DENND1A: variants seen among roughly 807,000 people sequenced by gnomAD.
DENND1A encodes the protein DENN domain containing 1A.
Under a neutral mutation model 113.7 loss-of-function variants are expected in DENND1A, and 51 were observed. That is an observed-to-expected ratio of 0.45 (90% CI 0.36 to 0.57). The LOEUF (loss-of-function observed/expected upper bound fraction) is 0.57. Among genes scored for constraint, DENND1A ranks in the 20% least tolerant of loss-of-function variants. The pLI, the probability that DENND1A is intolerant of heterozygous loss-of-function variation, is 0.00. For synonymous variants in DENND1A, 565 were observed against 570.8 expected (o/e 0.99, Z 0.14); for missense variants, 1,258 against 1,395.9 (o/e 0.90, Z 1.57).
At chr9:123,638,279 A>G (rs1399518110) in intron 9 of DENND1A, among the ~76,000 whole-genome samples, 1 of 152,192 alleles carries the variant, frequency 6.6e-6, no homozygotes, top group Non-Finnish European at 1.5e-5. Flanking sequence ...CCACAGCACC[A>G]TGAGTGAGGA....
chr9:123,643,357 T>C (rs1589481696), intron 9 of DENND1A, among the ~76,000 whole-genome samples: 1 of 152,346 alleles, frequency 6.6e-6, no homozygotes, highest in Middle Eastern at 3.4e-3. Context: ...CTTGCCACCA[T>C]ACAATATTTC....
intron 5 of DENND1A, among the ~76,000 whole-genome samples, chr9:123,730,909 T>C (rs1432634775): frequency 6.6e-6 from 1 of 152,094 alleles, no homozygotes; most frequent in African/African-American, 2.4e-5. Context: ...ATAAACACCA[T>C]GGAATACTAT....
At chr9:123,884,305 C>G (rs1197638913) in intron 1 of DENND1A, among the ~76,000 whole-genome samples, 1 of 152,128 alleles carries the variant, frequency 6.6e-6, no homozygotes, top group Non-Finnish European at 1.5e-5. Flanking sequence ...CCTATTAACA[C>G]TCACTGCTAA....
chr9:123,700,707 G>C (rs4391495), intron 5 of DENND1A, among the ~76,000 whole-genome samples: 64,332 of 152,004 alleles, frequency 0.42, 16,540 homozygotes, highest in African/African-American at 0.73. Flanking sequence ...ATGTTAGTTA[G>C]ATTTAAAATA....
chr9:123,778,932 G>C (rs917279071), intron 3 of DENND1A, among the ~76,000 whole-genome samples: 1 of 152,058 alleles, frequency 6.6e-6, no homozygotes, highest in African/African-American at 2.4e-5. Flanking sequence ...AATGCCTACC[G>C]CATACAAATA....
chr9:123,386,300 C>T (rs1338808496), intron 22 of DENND1A, among the ~76,000 whole-genome samples: 1 of 151,512 alleles, frequency 6.6e-6, no homozygotes, highest in African/African-American at 2.4e-5. Flanking sequence ...GAAAAAAAAT[C>T]GAAACAAAGA....
chr9:123,420,041 A>T (rs1330645808), intron 19 of DENND1A, among the ~76,000 whole-genome samples: 1 of 152,228 alleles, frequency 6.6e-6, no homozygotes, highest in Admixed American at 6.5e-5. Context: ...ATTTGCAGAG[A>T]TAACAAGCTG....
chr9:123,452,219 C>G, intron 17 of DENND1A, 57 bp downstream of exon 17: 2 of 1,473,616 alleles, frequency 1.4e-6, no homozygotes, highest in Non-Finnish European at 1.9e-6. Flanking sequence ...AATAAAGAGT[C>G]TCATCATGCT....
intron 11 of DENND1A, among the ~76,000 whole-genome samples, chr9:123,595,800 C>G (rs939258216): frequency 2.6e-5 from 4 of 152,162 alleles, no homozygotes. Flanking sequence ...GACGCTCGGT[C>G]AGTGCCAGCT....
intron 21 of DENND1A, among the ~76,000 whole-genome samples, chr9:123,389,092 C>CA (rs1159004743): frequency 2.0e-5 from 3 of 152,114 alleles, no homozygotes; most frequent in Non-Finnish European, 2.9e-5. Context: ...GCAACGTGTC[C>CA]AAAAAAAGGA....
At chr9:123,542,066 ATC>A (rs1310277826) in intron 13 of DENND1A, among the ~76,000 whole-genome samples, 1 of 152,220 alleles carries the variant, frequency 6.6e-6, no homozygotes, top group African/African-American at 2.4e-5. Context: ...GAAATTAGAC[ATC>A]TGTTAGATAG....
chr9:123,820,140 CTTAGTAATGT>C (rs1838226087), intron 2 of DENND1A, among the ~76,000 whole-genome samples: 1 of 152,124 alleles, frequency 6.6e-6, no homozygotes, highest in Admixed American at 6.5e-5. Context: ...GGGCTTTAGG[CTTAGTAATGT>C]TCTATGTAAG....
At chr9:123,792,777 G>A in intron 2 of DENND1A, 147 bp from the exon 3 acceptor site, 1 of 719,330 alleles carries the variant, frequency 1.4e-6, no homozygotes, top group Non-Finnish European at 2.2e-6. Flanking sequence ...ATGAGCACAA[G>A]GAAGGACTCG....
At chr9:123,591,982 T>C (rs1227577798) in intron 11 of DENND1A, among the ~76,000 whole-genome samples, 1 of 152,234 alleles carries the variant, frequency 6.6e-6, no homozygotes, top group Non-Finnish European at 1.5e-5. Context: ...ATTCAAGCCC[T>C]GCTTCTGTAC....
chr9:123,923,895 TAG>T (rs1564515506), intron 1 of DENND1A, among the ~76,000 whole-genome samples: 1 of 152,178 alleles, frequency 6.6e-6, no homozygotes, highest in East Asian at 1.9e-4. Flanking sequence ...AAATGTTACA[TAG>T]AGTTACCAAA....
chr9:123,789,113 A>G (rs3945629), intron 3 of DENND1A, among the ~76,000 whole-genome samples: 10,761 of 150,998 alleles, frequency 0.071, 537 homozygotes, highest in African/African-American at 0.14. Flanking sequence ...GACTTTCAGG[A>G]ATTAACAAAG....
chr9:123,432,265 A>G (rs1267487904), intron 19 of DENND1A, among the ~76,000 whole-genome samples: 2 of 152,216 alleles, frequency 1.3e-5, no homozygotes, highest in Non-Finnish European at 2.9e-5. Flanking sequence ...AGCAAACCCC[A>G]GCCTTGTTAA....
intron 13 of DENND1A, among the ~76,000 whole-genome samples, chr9:123,494,332 T>C (rs997834637): frequency 3.3e-5 from 5 of 152,176 alleles, no homozygotes; most frequent in African/African-American, 1.2e-4. Context: ...CCCGGAAGTC[T>C]GGAGGTCCTG....
intron 13 of DENND1A, among the ~76,000 whole-genome samples, chr9:123,475,720 G>A (rs1197625664): frequency 6.6e-6 from 1 of 152,250 alleles, no homozygotes; most frequent in South Asian, 2.1e-4. Context: ...TATTGCTAAC[G>A]TGGGCTTCGT....
Sources: allele counts gnomAD v4.1 joint callset (sites outside exome capture counted in the v4.1 genomes callset), GRCh38; gene constraint gnomAD v4.1.1; transcripts MANE v1.5; gene names NCBI Gene and HGNC (gene_info 2026-07-23, HGNC 2026-07-21).